The following RBFOX3 variants were observed in gnomAD, a reference collection of about 807,000 sequenced individuals.
RBFOX3 encodes the protein RNA binding protein fox-1 homolog 3.
Under a neutral mutation model 48.7 loss-of-function variants are expected in RBFOX3, and 17 were observed. The ratio of observed to expected loss-of-function variants is 0.35; its 90% CI spans 0.24 to 0.52. The LOEUF (loss-of-function observed/expected upper bound fraction) is 0.52, where lower values mean the gene tolerates loss of function less well. RBFOX3 is among the 20% of genes least tolerant of loss of function. RBFOX3 has a pLI of 0.94. For missense variants in RBFOX3, 382 were observed against 497.5 expected (o/e 0.77, Z 2.21); for synonymous variants, 212 against 209.5 (o/e 1.01, Z -0.10).
intron 2 of RBFOX3, among the ~76,000 whole-genome samples, chr17:79,409,353 G>A (rs1408552188): frequency 6.6e-6 from 1 of 152,234 alleles, no homozygotes; most frequent in Non-Finnish European, 1.5e-5. Flanking sequence ...AGTCTTTTTG[G>A]AGTGTGTGTC....
the RBFOX3 span, among the ~76,000 whole-genome samples, chr17:79,637,556 G>T: frequency 6.6e-6 from 1 of 151,710 alleles, no homozygotes; most frequent in African/African-American, 2.4e-5. Context: ...TTAGCCTGGC[G>T]TGGTGGCACA....
At chr17:79,318,008 T>TA (rs943351772) in intron 2 of RBFOX3, among the ~76,000 whole-genome samples, 4 of 151,894 alleles carry the variant, frequency 2.6e-5, no homozygotes, top group African/African-American at 4.8e-5. Context: ...TTACCCCCTT[T>TA]AAAAAAACTG....
At chr17:79,365,689 T>C (rs1435574341) in intron 2 of RBFOX3, among the ~76,000 whole-genome samples, 2 of 152,200 alleles carry the variant, frequency 1.3e-5, no homozygotes, top group Admixed American at 6.5e-5. Flanking sequence ...TGAAGGAATA[T>C]ATCTTCCCCA....
chr17:79,558,185 C>T (rs897213626), intron 1 of RBFOX3, among the ~76,000 whole-genome samples: 1 of 151,822 alleles, frequency 6.6e-6, no homozygotes, highest in Non-Finnish European at 1.5e-5. Context: ...GAAAGACATA[C>T]CCTCAGAGGA....
intron 2 of RBFOX3, among the ~76,000 whole-genome samples, chr17:79,340,811 G>A (rs2081970457): frequency 6.6e-6 from 1 of 152,292 alleles, no homozygotes; most frequent in South Asian, 2.1e-4. Context: ...AAATTCCTCA[G>A]AGTCAGCATG....
At chr17:79,512,470 C>T (rs1354082064) in intron 1 of RBFOX3, among the ~76,000 whole-genome samples, 2 of 142,540 alleles carry the variant, frequency 1.4e-5, no homozygotes, top group Admixed American at 6.8e-5. Flanking sequence ...GGGATATACA[C>T]CCGGATACAT....
At chr17:79,460,832 T>C (rs2149260315) in intron 2 of RBFOX3, among the ~76,000 whole-genome samples, 1 of 152,352 alleles carries the variant, frequency 6.6e-6, no homozygotes, top group Middle Eastern at 3.4e-3. Flanking sequence ...GCCATGTTCT[T>C]GGCCTTCCCA....
chr17:79,413,143 T>G, intron 2 of RBFOX3, among the ~76,000 whole-genome samples: 1 of 152,180 alleles, frequency 6.6e-6, no homozygotes, highest in South Asian at 2.1e-4. Context: ...ATGAAATTTC[T>G]GAAATGCAAG....
chr17:79,639,150 T>C, the RBFOX3 span, among the ~76,000 whole-genome samples: 41 of 152,214 alleles, frequency 2.7e-4, 1 homozygote, highest in Admixed American at 2.6e-3. Flanking sequence ...ACTTCCAAGC[T>C]AATTTTATTT....
chr17:79,612,481 C>A (rs1292822181), upstream of RBFOX3, among the ~76,000 whole-genome samples: 4 of 152,182 alleles, frequency 2.6e-5, no homozygotes, highest in African/African-American at 7.2e-5. Context: ...GCTGCCCCCC[C>A]TGCAGGGCAG....
intron 2 of RBFOX3, among the ~76,000 whole-genome samples, chr17:79,457,817 G>T (rs553498218): frequency 6.6e-6 from 1 of 152,256 alleles, no homozygotes; most frequent in Admixed American, 6.5e-5. Context: ...ATAAGGAAAC[G>T]GAACGTGACC....
rs1395014827 is a variant in RBFOX3, at chr17:79,442,234, A to AGGGAGGGAGG, written c.-175+40219_-175+40220insCCTCCCTCCC. Among the ~76,000 whole-genome samples, 62 of 12,150 alleles carry AGGGAGGGAGG rather than the reference A, an allele frequency of 5.1e-3. 12 individuals are homozygous for AGGGAGGGAGG. The highest frequency in any genetic ancestry group is 0.022 in the South Asian group (5 of 224). The allele number at this position is 12,150 out of a possible 152,430, so 8.0% of individuals were successfully genotyped here. On this transcript the variant is annotated intron_variant, in intron 2 of 14. Transcript: ENST00000693108. Reference sequence around the variant, plus strand: ...GAGGGGGAGAGAGAGAGAGAGAGAGAGAGAGAGAGAGAGAGAGAGAGAGAG... The same window carrying AGGGAGGGAGG: ...GAGGGGGAGAGAGAGAGAGAGAGAGAGGGAGGGAGGGAGAGAGAGAGAGAGAGAGAGAGAG...
chr17:79,172,029 C>G (rs2145769036), intron 4 of RBFOX3, among the ~76,000 whole-genome samples: 1 of 151,876 alleles, frequency 6.6e-6, no homozygotes, highest in Non-Finnish European at 1.5e-5. Flanking sequence ...TAAAAATTAG[C>G]CAGGGGTGGT....
intron 13 of RBFOX3, among the ~76,000 whole-genome samples, chr17:79,095,212 C>T (rs1451748007): frequency 6.7e-6 from 1 of 150,236 alleles, no homozygotes; most frequent in African/African-American, 2.5e-5. Context: ...CGTCTGCCTC[C>T]AAGACAGACA....
intron 10 of RBFOX3, 92 bp from the exon 11 acceptor site, chr17:79,097,516 AG>A: frequency 9.2e-7 from 1 of 1,091,554 alleles, no homozygotes; most frequent in Non-Finnish European, 1.1e-6. Context: ...CCGCGCACCT[AG>A]CCCCCAACCC....
intron 1 of RBFOX3, among the ~76,000 whole-genome samples, chr17:79,587,211 G>A (rs1044294665): frequency 5.3e-5 from 8 of 152,240 alleles, no homozygotes; most frequent in Non-Finnish European, 1.2e-4. Context: ...GGAAGGTGGT[G>A]TGAGGAGAAG....
intron 2 of RBFOX3, among the ~76,000 whole-genome samples, chr17:79,415,104 C>T (rs935286130): frequency 3.3e-5 from 5 of 152,196 alleles, no homozygotes. Context: ...GGTTCTGAGT[C>T]TGGGGAGTTC....
intron 4 of RBFOX3, among the ~76,000 whole-genome samples, chr17:79,163,447 C>T (rs956232404): frequency 2.0e-5 from 3 of 152,224 alleles, no homozygotes; most frequent in Non-Finnish European, 2.9e-5. Context: ...CCAGGGCATC[C>T]GAATGTCCTT....
intron 1 of RBFOX3, among the ~76,000 whole-genome samples, chr17:79,545,432 G>A (rs1042841293): frequency 1.2e-4 from 18 of 152,262 alleles, no homozygotes; most frequent in African/African-American, 3.4e-4. Context: ...GGGTCCCACC[G>A]GCGACCACCC....
Sources: allele counts gnomAD v4.1 joint callset (sites outside exome capture counted in the v4.1 genomes callset), GRCh38; gene constraint gnomAD v4.1.1; transcripts MANE v1.5; gene names NCBI Gene and HGNC (gene_info 2026-07-23, HGNC 2026-07-21).